The following CLEC12A variants were observed in gnomAD, a reference collection of about 807,000 sequenced individuals.
CLEC12A encodes the protein C-type lectin protein CLL-1.
Under a neutral mutation model 26.5 loss-of-function variants are expected in CLEC12A, and 22 were observed. The observed-to-expected ratio is 0.83, with a 90% CI of 0.59 to 1.19. The LOEUF is 1.19. CLEC12A is among the 50% of genes most tolerant of loss of function. CLEC12A has a pLI of 0.00. For missense variants in CLEC12A, 353 were observed against 315.6 expected (o/e 1.12, Z -0.90); for synonymous variants, 119 against 101.9 (o/e 1.17, Z -1.01).
chr12:9,978,010 T>G (rs1457321460), intron 1 of CLEC12A, among the ~76,000 whole-genome samples: 2 of 152,154 alleles, frequency 1.3e-5, no homozygotes, highest in Non-Finnish European at 2.9e-5. Flanking sequence ...ATGTAGTTCT[T>G]TCAGTAGTAA....
intron 3 of CLEC12A, 25 bp from the exon 4 acceptor site, chr12:9,980,557 A>T: frequency 6.2e-7 from 1 of 1,605,796 alleles, no homozygotes; most frequent in Non-Finnish European, 8.5e-7. Flanking sequence ...AACAAAACCC[A>T]AATAAAACTA....
At chr12:9,977,503 A>G (rs1227817337) in intron 1 of CLEC12A, among the ~76,000 whole-genome samples, 1 of 152,186 alleles carries the variant, frequency 6.6e-6, no homozygotes, top group Non-Finnish European at 1.5e-5. Context: ...CTCTGAATAT[A>G]TTCTGTTTTT....
chr12:9,959,814 A>G (rs1190624907), intron 1 of CLEC12A, among the ~76,000 whole-genome samples: 5 of 152,200 alleles, frequency 3.3e-5, no homozygotes, highest in Admixed American at 3.3e-4. Context: ...TAGCTCCCAG[A>G]AATGGATTAG....
downstream of CLEC12A, chr12:9,998,135 A>G (rs1865096594): frequency 1.5e-6 from 1 of 650,470 alleles, no homozygotes; most frequent in Non-Finnish European, 2.8e-6. Context: ...GTTCTCCTTT[A>G]TTGAGATTCT....
chr12:9,952,847 A>G (rs1863651005), intron 1 of CLEC12A: 1 of 98,524 alleles, frequency 1.0e-5, no homozygotes, highest in South Asian at 4.4e-4. Context: ...GGATGTGAGG[A>G]GCGCCTCTGC....
intron 4 of CLEC12A, chr12:9,993,273 T>C: frequency 6.2e-7 from 1 of 1,612,584 alleles, no homozygotes; most frequent in African/African-American, 1.3e-5. Flanking sequence ...TTTTCCATCT[T>C]CCAAAAACTC....
downstream of CLEC12A, among the ~76,000 whole-genome samples, chr12:9,999,530 T>C (rs1209186746): frequency 6.6e-6 from 1 of 152,228 alleles, no homozygotes; most frequent in African/African-American, 2.4e-5. Context: ...CACCAGCAGA[T>C]ATATAGTTTA....
At chr12:10,000,032 G>T, downstream of CLEC12A, among the ~76,000 whole-genome samples, 1 of 152,196 alleles carries the variant, frequency 6.6e-6, no homozygotes, top group South Asian at 2.1e-4. Flanking sequence ...GCTAGCTGAT[G>T]CATTTATTAT....
chr12:9,958,819 A>G (rs1863783903), intron 1 of CLEC12A, among the ~76,000 whole-genome samples: 1 of 152,180 alleles, frequency 6.6e-6, no homozygotes, highest in African/African-American at 2.4e-5. Context: ...AGGAGACAAG[A>G]TAGGGTAATC....
At chr12:9,955,659 T>C (rs961994070) in intron 1 of CLEC12A, among the ~76,000 whole-genome samples, 4 of 152,214 alleles carry the variant, frequency 2.6e-5, no homozygotes, top group African/African-American at 9.6e-5. Context: ...TGTAAAAACC[T>C]TAATTCCTTT....
At chr12:9,967,399 C>T (rs1307306829), upstream of CLEC12A, among the ~76,000 whole-genome samples, 1 of 152,046 alleles carries the variant, frequency 6.6e-6, no homozygotes, top group Non-Finnish European at 1.5e-5. Context: ...CATTTTCTGG[C>T]TATGTGGAAC....
chr12:9,999,002 T>A, downstream of CLEC12A: 1 of 1,260,448 alleles, frequency 7.9e-7, no homozygotes, highest in Non-Finnish European at 1.1e-6. Flanking sequence ...ATTTTTTAAA[T>A]TAATTTCCAA....
chr12:10,004,494 G>A, the CLEC12A span, among the ~76,000 whole-genome samples: 3 of 152,004 alleles, frequency 2.0e-5, no homozygotes, highest in African/African-American at 7.2e-5. Context: ...ACCACTCCCA[G>A]CCAAACTCCT....
At chr12:9,984,741 A>T in intron 5 of CLEC12A, 129 bp from the exon 6 acceptor site, 1 of 813,922 alleles carries the variant, frequency 1.2e-6, no homozygotes, top group Non-Finnish European at 1.7e-6. Flanking sequence ...TCTGAACATT[A>T]AATTAGATTT....
At chr12:9,992,424 A>G (rs1007899734) in intron 4 of CLEC12A, 4 of 152,072 alleles carry the variant, frequency 2.6e-5, no homozygotes, top group Non-Finnish European at 5.9e-5. Context: ...TTTCTCATGA[A>G]CTATCTTATA....
At chr12:9,994,405 T>C (rs1591848055) in intron 4 of CLEC12A, among the ~76,000 whole-genome samples, 2 of 152,122 alleles carry the variant, frequency 1.3e-5, no homozygotes, top group East Asian at 3.8e-4. Flanking sequence ...TAATAAATAT[T>C]TGTTTAAAAA....
At chr12:9,978,321 A>G (rs74240381) in intron 1 of CLEC12A, among the ~76,000 whole-genome samples, 4 of 152,198 alleles carry the variant, frequency 2.6e-5, no homozygotes, top group South Asian at 2.1e-4. Context: ...GGGCTTCACT[A>G]TTCATTAAAA....
Position 9,980,750 on chromosome 12 carries a change from TC to T in CLEC12A, c.531+18del. ...AATGCATTGGTAAAGCCCAGGTGTT[TC>T]TACCATCATGGGATAGAGAGGGGTG... On this transcript the variant is annotated intron_variant, in intron 4 of 5. Transcript: ENST00000304361. 1 of 1,611,920 alleles carries T rather than the reference TC, an allele frequency of 6.2e-7. No homozygotes were observed. Among genetic ancestry groups the T allele is most frequent in the East Asian group, 2.2e-5 (1 of 44,800 alleles).
upstream of CLEC12A, among the ~76,000 whole-genome samples, chr12:9,969,287 A>G (rs1344892703): frequency 6.6e-6 from 1 of 152,216 alleles, no homozygotes; most frequent in Non-Finnish European, 1.5e-5. Context: ...GTTTGACGGA[A>G]TGAATATTCT....
Sources: gnomAD v4.1 joint callset for allele counts (sites outside exome capture counted in the v4.1 genomes callset) on GRCh38, gnomAD v4.1.1 for gene constraint, MANE v1.5 for transcripts, NCBI Gene and HGNC (gene_info 2026-07-23, HGNC 2026-07-21) for gene names.